Variants in IPCEF1 observed in about 807,000 individuals in gnomAD.
IPCEF1 encodes the protein interaction protein for cytohesin exchange factors 1, also known as interactor protein for cytohesin exchange factors 1.
Under a neutral mutation model 50.9 loss-of-function variants are expected in IPCEF1, and 31 were observed. The observed-to-expected ratio is 0.61, with a 90% CI of 0.46 to 0.82. IPCEF1 has a LOEUF of 0.82. Ranked by LOEUF, IPCEF1 falls within the 40% of genes least tolerant of loss-of-function variation. IPCEF1 has a pLI of 0.00. For missense variants in IPCEF1, 458 were observed against 514.0 expected, an observed-to-expected ratio of 0.89 and a Z score of 1.05; for synonymous variants, 181 against 192.0, an observed-to-expected ratio of 0.94 and a Z score of 0.47.
chr6:154,326,269 T>C (rs1232034330), intron 1 of IPCEF1, among the ~76,000 whole-genome samples: 1 of 150,952 alleles, frequency 6.6e-6, no homozygotes, highest in Non-Finnish European at 1.5e-5. Flanking sequence ...TTGTTTCACA[T>C]AGTAAAAATA....
At chr6:154,247,304 C>A in intron 4 of IPCEF1, 145 bp downstream of exon 4, 2 of 644,210 alleles carry the variant, frequency 3.1e-6, no homozygotes, top group South Asian at 2.0e-5. Context: ...ATCGATTCAA[C>A]AATAACCAAA....
rs982041029 is a variant in IPCEF1 at position 154,271,096 on chromosome 6, C to T, written c.-17-5132G>A. 3.3e-5 allele frequency among the ~76,000 whole-genome samples: 5 copies of T among 152,080 alleles called. No individual in the cohort carries two copies. The East Asian group carries it at 9.6e-4, about 29-fold the overall frequency. On this transcript the variant is annotated intron_variant, in intron 2 of 11. Transcript: ENST00000367220. Reference sequence around the variant, plus strand: ...TAATAGGACTTGGCACAGTGGCTCACACCTGTAATCCCAGCACTTTGGGAT... The same window carrying T: ...TAATAGGACTTGGCACAGTGGCTCATACCTGTAATCCCAGCACTTTGGGAT...
At position 154,229,348 on chromosome 6, in the gene IPCEF1, T is replaced by G. The variant is rs995970379; in HGVS notation, c.247-6105A>C. On this transcript the variant is annotated intron_variant, in intron 5 of 11. Coordinates refer to ENST00000367220, the MANE Select transcript of IPCEF1 (RefSeq NM_001130700.2). ...AGGCAGTGTGGAAAAGTTTGCCGGT[T>G]TTTTTTTTTTTTTTTTTTTGAGACG... Among the ~76,000 whole-genome samples the G allele has an allele frequency of 8.0e-5, 3 of 37,532 alleles. No homozygotes were observed. The East Asian group carries it at 2.5e-3, about 31-fold the overall frequency. The allele number at this position is 37,532 out of a possible 152,430, so 24.6% of individuals were successfully genotyped here.
At chr6:154,243,757 G>A (rs879541800) in intron 5 of IPCEF1, among the ~76,000 whole-genome samples, 9 of 152,206 alleles carry the variant, frequency 5.9e-5, no homozygotes, top group African/African-American at 9.7e-5. Flanking sequence ...AGGAGTCCAA[G>A]GGACCTGAAT....
intron 5 of IPCEF1, among the ~76,000 whole-genome samples, chr6:154,244,742 C>A (rs1320162233): frequency 6.6e-6 from 1 of 152,154 alleles, no homozygotes; most frequent in East Asian, 1.9e-4. Context: ...GAAGGACTTC[C>A]TTTAAATTCT....
chr6:154,212,603 G>C (rs989932283), intron 9 of IPCEF1, among the ~76,000 whole-genome samples, 167 bp downstream of exon 9: 1 of 152,184 alleles, frequency 6.6e-6, no homozygotes, highest in African/African-American at 2.4e-5. Context: ...GGTTGCTATG[G>C]AGAAGGCTCA....
chr6:154,215,460 G>A (rs960932741), intron 7 of IPCEF1, among the ~76,000 whole-genome samples: 2 of 152,044 alleles, frequency 1.3e-5, no homozygotes, highest in African/African-American at 4.8e-5. Context: ...TACAAAATTA[G>A]CCGGGTGTGG....
intron 10 of IPCEF1, among the ~76,000 whole-genome samples, chr6:154,198,422 T>A (rs1472644669): frequency 1.3e-5 from 2 of 152,116 alleles, no homozygotes; most frequent in Non-Finnish European, 2.9e-5. Context: ...AATAGGTTGG[T>A]TTGCCAGACT....
chr6:154,186,045 C>T (rs1044936210), intron 10 of IPCEF1, among the ~76,000 whole-genome samples: 1 of 152,218 alleles, frequency 6.6e-6, no homozygotes, highest in Non-Finnish European at 1.5e-5. Context: ...TCAGCCCTGA[C>T]CTCTTCCTTC....
At chr6:154,266,526 C>T (rs1217907611) in intron 2 of IPCEF1, among the ~76,000 whole-genome samples, 1 of 144,660 alleles carries the variant, frequency 6.9e-6, no homozygotes, top group Non-Finnish European at 1.5e-5. Flanking sequence ...AAGTACTCAG[C>T]AAGACATGTA....
chr6:154,333,831 A>G (rs1462734464), intron 1 of IPCEF1, among the ~76,000 whole-genome samples: 1 of 151,960 alleles, frequency 6.6e-6, no homozygotes, highest in Non-Finnish European at 1.5e-5. Flanking sequence ...ATATATACAT[A>G]TTTACCATGA....
At chr6:154,262,420 A>G (rs1392821564) in intron 3 of IPCEF1, among the ~76,000 whole-genome samples, 1 of 152,206 alleles carries the variant, frequency 6.6e-6, no homozygotes, top group Admixed American at 6.5e-5. Flanking sequence ...AGAGACTTTA[A>G]CTTGTCCAAA....
Position 154,355,432 on chromosome 6 carries a change from CATG to C in IPCEF1, c.-62+1237_-62+1239del, listed in dbSNP as rs574453940. 3.4e-4 allele frequency among the ~76,000 whole-genome samples: 51 copies of C among 152,090 alleles called. 1 individual carries two copies. The East Asian group carries it at 9.1e-3, about 27-fold the overall frequency. ...CTTACACCCTTTTCTTCCTTGCTTG[CATG>C]ATGTGAGCAGAAAGAAATGTGTGTT... On this transcript the variant is annotated intron_variant, in intron 1 of 11. Coordinates refer to ENST00000367220, the MANE Select transcript of IPCEF1 (RefSeq NM_001130700.2).
chr6:154,200,079 C>T (rs1295311477), intron 9 of IPCEF1, 39 bp from the exon 10 acceptor site: 2 of 1,537,816 alleles, frequency 1.3e-6, no homozygotes, highest in Middle Eastern at 1.8e-4. Flanking sequence ...GAATAAAAGA[C>T]ATCATGATTA....
At position 154,208,113 on chromosome 6, in the gene IPCEF1, T is replaced by G. The variant is rs1777652092; in HGVS notation, c.537+4657A>C. Among the ~76,000 whole-genome samples the G allele has an allele frequency of 3.3e-5, 5 of 152,308 alleles. No individual in the cohort carries two copies. The South Asian group carries it at 1.0e-3, about 32-fold the overall frequency. On this transcript the variant is annotated intron_variant, in intron 9 of 11. Coordinates refer to ENST00000367220, the MANE Select transcript of IPCEF1 (RefSeq NM_001130700.2). ...CTCCATTTGAAATGGAAGTTGATTA[T>G]ATCCCTCCTCTGCTCAAACCTTTCA...
At chr6:154,337,618 G>A (rs1390916993) in intron 1 of IPCEF1, among the ~76,000 whole-genome samples, 1 of 152,198 alleles carries the variant, frequency 6.6e-6, no homozygotes, top group Non-Finnish European at 1.5e-5. Flanking sequence ...GCACAGCAAC[G>A]AGGAAAGAGA....
chr6:154,192,138 C>A (rs1390012076), intron 10 of IPCEF1, among the ~76,000 whole-genome samples: 1 of 152,170 alleles, frequency 6.6e-6, no homozygotes, highest in Non-Finnish European at 1.5e-5. Context: ...GGAAGTGGAA[C>A]TGCTGGCCAT....
intron 9 of IPCEF1, among the ~76,000 whole-genome samples, chr6:154,203,226 C>T (rs1777215338): frequency 6.6e-6 from 1 of 152,196 alleles, no homozygotes; most frequent in Non-Finnish European, 1.5e-5. Context: ...CTCCGCCCCA[C>T]CTCTACTGGT....
chr6:154,309,215 C>A (rs1189662452), intron 1 of IPCEF1, among the ~76,000 whole-genome samples: 1 of 152,150 alleles, frequency 6.6e-6, no homozygotes, highest in Non-Finnish European at 1.5e-5. Context: ...GTCAAACTAC[C>A]CATTACATGG....
Sources: gnomAD v4.1 joint callset for allele counts (sites outside exome capture counted in the v4.1 genomes callset) on GRCh38, gnomAD v4.1.1 for gene constraint, MANE v1.5 for transcripts, NCBI Gene and HGNC (gene_info 2026-07-23, HGNC 2026-07-21) for gene names.